Variants in GAK observed in about 807,000 individuals in gnomAD.
GAK encodes cyclin G associated kinase.
GAK carries 79 observed loss-of-function variants against 143.9 expected under a neutral mutation model. That is an observed-to-expected ratio of 0.55 (90% CI 0.46 to 0.66). The LOEUF is 0.66. Ranked by LOEUF, GAK falls within the 30% of genes least tolerant of loss-of-function variation. The pLI, the probability that GAK is intolerant of heterozygous loss-of-function variation, is 0.00. For synonymous variants in GAK, 881 were observed against 765.5 expected (o/e 1.15, Z -2.49); for missense variants, 1,693 against 1,779.7 (o/e 0.95, Z 0.88).
intron 18 of GAK, among the ~76,000 whole-genome samples, chr4:874,610 G>A (rs544210110): frequency 2.6e-5 from 4 of 151,664 alleles, no homozygotes; most frequent in Non-Finnish European, 2.9e-5. Context: ...TGTTCTCTTC[G>A]GGTTCCAGCA....
At chr4:857,348 G>C (rs1749469520) in intron 24 of GAK, among the ~76,000 whole-genome samples, 1 of 152,180 alleles carries the variant, frequency 6.6e-6, no homozygotes, top group Non-Finnish European at 1.5e-5. Flanking sequence ...CAATTAGAAA[G>C]TGCTCCGTCT....
At chr4:865,371 G>GTCAGCCCAGCCTCA in intron 22 of GAK, 127 bp from the exon 23 acceptor site, 1 of 1,186,814 alleles carries the variant, frequency 8.4e-7, no homozygotes, top group Non-Finnish European at 1.2e-6. Context: ...AGCTGAGGCT[G>GTCAGCCCAGCCTCA]GGCTGACGGC....
At chr4:891,847 G>A (rs908463711) in intron 9 of GAK, among the ~76,000 whole-genome samples, 1 of 152,100 alleles carries the variant, frequency 6.6e-6, no homozygotes. Context: ...CCTTCCTGCC[G>A]CTCTCTGACA....
chr4:913,711 T>C, intron 1 of GAK, 43 bp from the exon 2 acceptor site: 1 of 1,489,178 alleles, frequency 6.7e-7, no homozygotes, highest in South Asian at 1.1e-5. Flanking sequence ...TATGATTTTA[T>C]TTAACATATC....
At chr4:876,979 A>C (rs529690538) in intron 17 of GAK, 111 bp downstream of exon 17, 1 of 735,626 alleles carries the variant, frequency 1.4e-6, no homozygotes, top group Non-Finnish European at 2.3e-6. Flanking sequence ...GGCACTCACC[A>C]AACAGCGAGC....
intron 4 of GAK, among the ~76,000 whole-genome samples, chr4:910,863 G>C (rs553912451): frequency 9.8e-5 from 15 of 152,296 alleles, no homozygotes; most frequent in Non-Finnish European, 1.9e-4. Context: ...CAGGAGTTCT[G>C]GAGGGCATCG....
At chr4:873,003 C>T (rs545750931) in intron 18 of GAK, among the ~76,000 whole-genome samples, 15 of 152,108 alleles carry the variant, frequency 9.9e-5, no homozygotes, top group African/African-American at 3.4e-4. Context: ...GCAGGGAACA[C>T]GCCTCTCGCC....
intron 9 of GAK, among the ~76,000 whole-genome samples, chr4:891,846 C>T (rs1379542139): frequency 2.6e-5 from 4 of 152,134 alleles, no homozygotes; most frequent in Non-Finnish European, 5.9e-5. Flanking sequence ...CCCTTCCTGC[C>T]GCTCTCTGAC....
intron 22 of GAK, 71 bp from the exon 23 acceptor site, chr4:865,315 G>T: frequency 6.3e-7 from 1 of 1,596,858 alleles, no homozygotes; most frequent in African/African-American, 1.3e-5. Context: ...GGGGCGCCAG[G>T]CTGTGCTCAG....
intron 27 of GAK, 59 bp from the exon 28 acceptor site, chr4:849,833 G>GGGGGGGGGGGGGGCCCCC: frequency 8.4e-7 from 1 of 1,190,156 alleles, no homozygotes; most frequent in Non-Finnish European, 1.2e-6. Flanking sequence ...GGCGGGGCAG[G>GGGGGGGGGGGGGGCCCCC]ACCCCCCCCC....
chr4:906,456 C>T (rs1448156947), intron 4 of GAK, among the ~76,000 whole-genome samples: 1 of 152,092 alleles, frequency 6.6e-6, no homozygotes, highest in African/African-American at 2.4e-5. Context: ...GATGTGGGGC[C>T]GGGGCAGCAC....
Position 932,023 on chromosome 4 carries a change from C to A in GAK, c.145+20G>T, listed in dbSNP as rs758192606. 2.1e-5 allele frequency: 32 copies of A among 1,545,640 alleles called. No homozygotes were observed. Among genetic ancestry groups the A allele is most frequent in the African/African-American group, 2.7e-5 (2 of 73,156 alleles). On this transcript the variant is annotated intron_variant, in intron 1 of 27. Transcript: ENST00000314167. The surrounding 1 kb of genome is among the most constrained non-coding windows in gnomAD (Gnocchi z 4.0). ...ACAACACTCCGCGGCCGCACCCGCG[C>A]TGCCGACCCGGGGCCTCACCTTCGG...
At chr4:929,469 G>A (rs1577348253) in intron 1 of GAK, among the ~76,000 whole-genome samples, 1 of 152,146 alleles carries the variant, frequency 6.6e-6, no homozygotes, top group Admixed American at 6.5e-5. Flanking sequence ...AGAAGCAACG[G>A]CACGCAGAAC....
intron 1 of GAK, among the ~76,000 whole-genome samples, chr4:927,930 C>CT (rs1725102450): frequency 6.6e-6 from 1 of 152,208 alleles, no homozygotes; most frequent in African/African-American, 2.4e-5. Context: ...CAGCACAGAG[C>CT]TGCAGAGGCT....
At chr4:852,016 T>A in intron 24 of GAK, 42 bp from the exon 25 acceptor site, 1 of 1,512,588 alleles carries the variant, frequency 6.6e-7, no homozygotes, top group Non-Finnish European at 9.1e-7. Context: ...TGGTTGTCCA[T>A]GAGGGGCAAC....
In GAK at chr4:882,893, C is replaced by A. The variant is rs1356442552; in HGVS notation, c.1405-74G>T. The A allele has an allele frequency of 1.8e-5, 29 of 1,570,344 alleles. No homozygotes were observed. In the South Asian group the frequency reaches 2.7e-4, roughly 15 times the overall value. On this transcript the variant is annotated intron_variant, in intron 13 of 27. Coordinates refer to ENST00000314167, the MANE Select transcript of GAK (RefSeq NM_005255.4). ...AGCCTTGGTCAGCTAGGAGGGACAG[C>A]CTGCCTGCAGTGCGGGGGCCTCCGC...
At chr4:875,072 A>G (rs1713562573) in intron 18 of GAK, among the ~76,000 whole-genome samples, 1 of 152,098 alleles carries the variant, frequency 6.6e-6, no homozygotes, top group South Asian at 2.1e-4. Context: ...CATTCCCCCG[A>G]CTTTCTTGAA....
intron 24 of GAK, chr4:859,137 G>A (rs1560286977): frequency 2.0e-6 from 2 of 982,616 alleles, no homozygotes; most frequent in East Asian, 2.3e-4. Flanking sequence ...CCCGGGGCCG[G>A]GCCTGAGGCA....
chr4:854,616 CTT>C (rs1177789107), intron 24 of GAK, among the ~76,000 whole-genome samples: 5 of 152,236 alleles, frequency 3.3e-5, no homozygotes, highest in South Asian at 2.1e-4. Context: ...GCTGGTCTCT[CTT>C]GTGTGGCCTG....
Sources: gnomAD v4.1 joint callset for allele counts (sites outside exome capture counted in the v4.1 genomes callset) on GRCh38, gnomAD v4.1.1 for gene constraint, Gnocchi (gnomAD v3.1) non-coding constraint, MANE v1.5 for transcripts, NCBI Gene and HGNC (gene_info 2026-07-23, HGNC 2026-07-21) for gene names.